The following RBFOX1 variants were observed in gnomAD, a reference collection of about 807,000 sequenced individuals.
The protein encoded by RBFOX1 is RNA binding fox-1 homolog 1.
RBFOX1 carries 8 observed loss-of-function variants against 57.7 expected under a neutral mutation model. The observed-to-expected ratio is 0.14, with a 90% CI of 0.08 to 0.25. RBFOX1 has a LOEUF of 0.25. RBFOX1 is among the 10% of genes least tolerant of loss of function. The pLI is 1.00. For synonymous variants in RBFOX1, 326 were observed against 222.4 expected, an observed-to-expected ratio of 1.47 and a Z score of -4.15; for missense variants, 611 against 548.5, an observed-to-expected ratio of 1.11 and a Z score of -1.14.
chr16:6,792,262 G>C (rs1342684653), intron 3 of RBFOX1, among the ~76,000 whole-genome samples: 1 of 152,172 alleles, frequency 6.6e-6, no homozygotes, highest in African/African-American at 2.4e-5. Context: ...GATTTTGTAA[G>C]AATTGTGAAG....
At chr16:7,638,552 C>T (rs893064050) in intron 11 of RBFOX1, among the ~76,000 whole-genome samples, 7 of 152,190 alleles carry the variant, frequency 4.6e-5, no homozygotes, top group African/African-American at 1.4e-4. Context: ...CCCATCCCAT[C>T]ATGTTTGGAG....
intron 4 of RBFOX1, among the ~76,000 whole-genome samples, chr16:7,463,317 AACATGGTGTAACC>A (rs1400570119): frequency 1.3e-5 from 2 of 152,190 alleles, no homozygotes; most frequent in Non-Finnish European, 2.9e-5. Context: ...CAGCATGGGC[AACATGGTGTAACC>A]ACATTTCTAC....
At chr16:6,397,163 A>C (rs1443554720) in intron 2 of RBFOX1, among the ~76,000 whole-genome samples, 1 of 152,188 alleles carries the variant, frequency 6.6e-6, no homozygotes, top group Non-Finnish European at 1.5e-5. Flanking sequence ...AATTTGGTGA[A>C]ATACTTTCAA....
intron 5 of RBFOX1, among the ~76,000 whole-genome samples, chr16:7,543,498 C>T (rs1387705406): frequency 2.0e-5 from 3 of 152,136 alleles, no homozygotes; most frequent in East Asian, 1.9e-4. Context: ...GTGACTTTCC[C>T]ATTTTCAGAG....
In RBFOX1 at chr16:6,675,271, T is replaced by C. The variant is rs117497927; in HGVS notation, c.-16+20621T>C. Reference sequence around the variant, plus strand: ...GCACCATCCCTAGGGAACTAACATATTTCCATGTCTGAAAATCGAGGGATA... The same window carrying C: ...GCACCATCCCTAGGGAACTAACATACTTCCATGTCTGAAAATCGAGGGATA... On this transcript the variant is annotated intron_variant, in intron 3 of 15. Coordinates refer to ENST00000550418, the MANE Select transcript of RBFOX1 (RefSeq NM_018723.4). 1.6e-3 allele frequency among the ~76,000 whole-genome samples: 245 copies of C among 152,300 alleles called. No homozygotes were observed. In the East Asian group the frequency reaches 0.028, roughly 17 times the overall value.
intron 4 of RBFOX1, among the ~76,000 whole-genome samples, chr16:7,352,810 G>T (rs544586063): frequency 5.3e-5 from 8 of 152,136 alleles, no homozygotes; most frequent in African/African-American, 1.4e-4. Flanking sequence ...CGACCTCTTG[G>T]GTTCAGGTGA....
chr16:5,822,828 G>C (rs1037743938), intron 3 of RBFOX1, among the ~76,000 whole-genome samples: 10 of 152,292 alleles, frequency 6.6e-5, no homozygotes, highest in Non-Finnish European at 1.0e-4. Flanking sequence ...TTAAGTTCCA[G>C]CTCTGCCATG....
chr16:7,645,888 G>C (rs375013932), intron 11 of RBFOX1, among the ~76,000 whole-genome samples: 6 of 151,644 alleles, frequency 4.0e-5, no homozygotes, highest in African/African-American at 1.5e-4. Flanking sequence ...TTAAGTGGCC[G>C]TTTTGGTCTT....
intron 1 of RBFOX1, among the ~76,000 whole-genome samples, chr16:5,445,056 A>T (rs1209214515): frequency 6.6e-6 from 1 of 152,050 alleles, no homozygotes; most frequent in Non-Finnish European, 1.5e-5. Flanking sequence ...ACATGATCAG[A>T]TGTGCACTCT....
At chr16:7,435,510 C>G (rs1490179851) in intron 4 of RBFOX1, among the ~76,000 whole-genome samples, 1 of 152,196 alleles carries the variant, frequency 6.6e-6, no homozygotes, top group African/African-American at 2.4e-5. Context: ...GAGCAGTTGA[C>G]ACTTACGGGT....
chr16:6,088,194 C>G (rs900522396), intron 1 of RBFOX1, among the ~76,000 whole-genome samples: 2 of 151,762 alleles, frequency 1.3e-5, no homozygotes, highest in Non-Finnish European at 2.9e-5. Context: ...TACTTTTTTT[C>G]TTTCATTTTT....
chr16:5,261,530 A>G (rs2062731875), intron 1 of RBFOX1, among the ~76,000 whole-genome samples: 1 of 148,844 alleles, frequency 6.7e-6, no homozygotes, highest in East Asian at 2.0e-4. Context: ...CCATCCACTG[A>G]CATTTCACTG....
rs369250861 is a variant in RBFOX1, at chr16:6,799,696, C to G, written c.-16+145046C>G. Among the ~76,000 whole-genome samples, 20 of 152,284 alleles carry G rather than the reference C, an allele frequency of 1.3e-4. No individual in the cohort carries two copies. In the East Asian group the frequency reaches 3.3e-3, roughly 25 times the overall value. ...GGTGGGATGAGCTAGTTTGCTGAGT[C>G]TTCCACCTTTCGTCTTTCTCCTGTG... On this transcript the variant is annotated intron_variant, in intron 3 of 15. Transcript: ENST00000550418.
chr16:6,041,990 C>T (rs986934685), intron 1 of RBFOX1, among the ~76,000 whole-genome samples: 4 of 152,164 alleles, frequency 2.6e-5, no homozygotes, highest in Non-Finnish European at 4.4e-5. Context: ...CTTGTTCCAA[C>T]TTCCTGAGAC....
At chr16:7,471,363 T>G (rs2061524927) in intron 4 of RBFOX1, among the ~76,000 whole-genome samples, 1 of 152,216 alleles carries the variant, frequency 6.6e-6, no homozygotes, top group Non-Finnish European at 1.5e-5. Context: ...TGGGCTAATT[T>G]TTTTTAATGT....
intron 1 of RBFOX1, among the ~76,000 whole-genome samples, chr16:5,243,426 C>T (rs540102391): frequency 6.6e-6 from 1 of 152,274 alleles, no homozygotes; most frequent in East Asian, 1.9e-4. Flanking sequence ...AGGTATTTTC[C>T]TTCTTGCTGA....
intron 2 of RBFOX1, among the ~76,000 whole-genome samples, chr16:6,401,438 C>T (rs892973155): frequency 6.6e-6 from 1 of 152,208 alleles, no homozygotes; most frequent in African/African-American, 2.4e-5. Context: ...GGTAACTTCA[C>T]TTATGATAAC....
chr16:6,344,947 G>A (rs2085142246), intron 2 of RBFOX1, among the ~76,000 whole-genome samples: 1 of 152,080 alleles, frequency 6.6e-6, no homozygotes. Context: ...TTACAGGTGT[G>A]AGCCACCGAG....
chr16:7,670,341 CT>C (rs1568378925), intron 13 of RBFOX1, among the ~76,000 whole-genome samples: 1 of 152,042 alleles, frequency 6.6e-6, no homozygotes, highest in Non-Finnish European at 1.5e-5. Flanking sequence ...CAACAGGAAA[CT>C]TTTTTTTCCA....
Sources: allele counts gnomAD v4.1 joint callset (sites outside exome capture counted in the v4.1 genomes callset), GRCh38; gene constraint gnomAD v4.1.1; transcripts MANE v1.5; gene names NCBI Gene and HGNC (gene_info 2026-07-23, HGNC 2026-07-21).